The following DDX10 variants were observed in gnomAD, a reference collection of about 807,000 sequenced individuals.
The protein encoded by DDX10 is DEAD-box helicase 10.
Under a neutral mutation model 104.3 loss-of-function variants are expected in DDX10, and 74 were observed. The observed-to-expected ratio is 0.71, with a 90% CI of 0.59 to 0.86. DDX10 has a LOEUF of 0.86. DDX10 is among the 40% of genes least tolerant of loss of function. DDX10 has a pLI of 0.00. For missense variants in DDX10, 952 were observed against 1,040.0 expected (o/e 0.92, Z 1.16); for synonymous variants, 351 against 353.4 (o/e 0.99, Z 0.08).
intron 13 of DDX10, among the ~76,000 whole-genome samples, chr11:108,834,455 T>C (rs1365570205): frequency 1.3e-5 from 2 of 152,168 alleles, no homozygotes; most frequent in African/African-American, 4.8e-5. Flanking sequence ...TGCACAAATC[T>C]TACATGTAAC....
In DDX10 at chr11:108,715,059, A is replaced by AT. The variant is rs537228602; in HGVS notation, c.1323-810dup. Among the ~76,000 whole-genome samples, 58 of 135,102 alleles carry AT rather than the reference A, an allele frequency of 4.3e-4. 1 individual carries two copies. Among genetic ancestry groups the AT allele is most frequent in the East Asian group, 3.7e-3 (15 of 4,108 alleles). 88.6% of individuals were successfully genotyped at this position (135,102 alleles called of 152,430 possible). On this transcript the variant is annotated intron_variant, in intron 10 of 17. Transcript: ENST00000322536. Reference sequence around the variant, plus strand: ...TTTGTGAAGCCTAGACCTCTTTAAAATTTTTTTTTTCTTTCCCTGTAGCTT... The same window carrying AT: ...TTTGTGAAGCCTAGACCTCTTTAAAATTTTTTTTTTTCTTTCCCTGTAGCTT...
intron 13 of DDX10, among the ~76,000 whole-genome samples, chr11:108,729,217 A>T (rs192752877): frequency 6.6e-6 from 1 of 152,170 alleles, no homozygotes; most frequent in Admixed American, 6.6e-5. Context: ...TGGGTTATCG[A>T]CAGGGTTCTA....
At chr11:108,793,722 T>C (rs1292004441) in intron 13 of DDX10, among the ~76,000 whole-genome samples, 1 of 152,158 alleles carries the variant, frequency 6.6e-6, no homozygotes, top group Non-Finnish European at 1.5e-5. Flanking sequence ...CTATCAAACA[T>C]TAGAACTTAC....
chr11:108,754,821 C>G (rs2094342626), intron 13 of DDX10, among the ~76,000 whole-genome samples: 1 of 152,034 alleles, frequency 6.6e-6, no homozygotes, highest in Non-Finnish European at 1.5e-5. Context: ...TTGTGCTTAA[C>G]TGGATGGGCA....
intron 4 of DDX10, 126 bp downstream of exon 4, chr11:108,677,369 A>T (rs1376211739): frequency 2.5e-6 from 2 of 801,030 alleles, no homozygotes; most frequent in Non-Finnish European, 3.8e-6. Flanking sequence ...CTCATGGGAT[A>T]GTAGCACTTG....
intron 16 of DDX10, among the ~76,000 whole-genome samples, chr11:108,886,040 G>T (rs963020002): frequency 6.6e-6 from 1 of 152,160 alleles, no homozygotes; most frequent in Non-Finnish European, 1.5e-5. Context: ...TTCAAGTGAA[G>T]ATACAGCAGT....
At chr11:108,757,301 GTATC>G (rs1300561168) in intron 13 of DDX10, among the ~76,000 whole-genome samples, 2 of 152,054 alleles carry the variant, frequency 1.3e-5, no homozygotes, top group South Asian at 2.1e-4. Context: ...CAACTTTTGT[GTATC>G]TGTCTGTGTA....
intron 16 of DDX10, among the ~76,000 whole-genome samples, chr11:108,914,846 A>AAC (rs1253917164): frequency 1.9e-4 from 29 of 151,730 alleles, no homozygotes; most frequent in African/African-American, 3.6e-4. Context: ...AAAAAAAAAA[A>AAC]AAACTGGAAA....
At chr11:108,802,381 A>G (rs1296720275) in intron 13 of DDX10, among the ~76,000 whole-genome samples, 1 of 152,164 alleles carries the variant, frequency 6.6e-6, no homozygotes, top group African/African-American at 2.4e-5. Context: ...ACTAAATCCA[A>G]CAAAAACTGA....
chr11:108,812,157 CTT>C (rs1862191572), intron 13 of DDX10, among the ~76,000 whole-genome samples: 1 of 152,112 alleles, frequency 6.6e-6, no homozygotes, highest in East Asian at 1.9e-4. Context: ...TTGTTAGAGA[CTT>C]TGCCCAGCAA....
chr11:108,694,843 T>G (rs1402858081), intron 9 of DDX10, among the ~76,000 whole-genome samples: 2 of 152,100 alleles, frequency 1.3e-5, no homozygotes, highest in Non-Finnish European at 2.9e-5. Flanking sequence ...ATCGCACCAC[T>G]GCATTCCAGC....
chr11:108,812,978 T>TCAAAAAAAAAAAAAAAA (rs1862204181), intron 13 of DDX10, among the ~76,000 whole-genome samples: 1 of 4,086 alleles, frequency 2.4e-4, no homozygotes, highest in Non-Finnish European at 1.2e-3. Flanking sequence ...TGACTCCATC[T>TCAAAAAAAAAAAAAAAA]TAAAAAAAAA....
chr11:108,880,418 A>G (rs1319146960), intron 16 of DDX10, among the ~76,000 whole-genome samples: 1 of 152,176 alleles, frequency 6.6e-6, no homozygotes, highest in African/African-American at 2.4e-5. Flanking sequence ...TGGGGGACAG[A>G]AAATTTAATC....
At chr11:108,808,893 A>G (rs1862138172) in intron 13 of DDX10, among the ~76,000 whole-genome samples, 1 of 152,222 alleles carries the variant, frequency 6.6e-6, no homozygotes, top group South Asian at 2.1e-4. Flanking sequence ...TGTGCTTGCA[A>G]TTAGGGCATG....
intron 17 of DDX10, chr11:108,920,969 G>A (rs531152850): frequency 1.4e-4 from 22 of 152,300 alleles, no homozygotes; most frequent in African/African-American, 5.3e-4. Flanking sequence ...CATATTACTG[G>A]TGCTTAATTT....
At chr11:108,740,374 A>G (rs1399538351) in intron 13 of DDX10, among the ~76,000 whole-genome samples, 2 of 152,138 alleles carry the variant, frequency 1.3e-5, no homozygotes, top group African/African-American at 4.8e-5. Context: ...CATTTTCTTT[A>G]TCCAGTCTGC....
At chr11:108,692,699 T>C (rs1259813205) in intron 8 of DDX10, among the ~76,000 whole-genome samples, 3 of 152,206 alleles carry the variant, frequency 2.0e-5, no homozygotes, top group African/African-American at 7.2e-5. Flanking sequence ...ATTATCTTTT[T>C]CATAATCCTC....
At chr11:108,754,741 T>C (rs926156475) in intron 13 of DDX10, among the ~76,000 whole-genome samples, 5 of 152,014 alleles carry the variant, frequency 3.3e-5, no homozygotes, top group African/African-American at 1.2e-4. Flanking sequence ...TCTGTTTTCT[T>C]GTTCATAACT....
intron 13 of DDX10, among the ~76,000 whole-genome samples, chr11:108,827,182 T>C (rs1294246471): frequency 6.6e-6 from 1 of 152,266 alleles, no homozygotes; most frequent in Non-Finnish European, 1.5e-5. Context: ...TATTCACTAA[T>C]TCTTCTTTCA....
Sources: allele counts gnomAD v4.1 joint callset (sites outside exome capture counted in the v4.1 genomes callset), GRCh38; gene constraint gnomAD v4.1.1; transcripts MANE v1.5; gene names NCBI Gene and HGNC (gene_info 2026-07-23, HGNC 2026-07-21).